ADCY3: variants seen among roughly 807,000 people sequenced by gnomAD.
The protein encoded by ADCY3 is adenylate cyclase 3, also known as adenylate cyclase type 3.
Under a neutral mutation model 119.4 loss-of-function variants are expected in ADCY3, and 70 were observed. That is an observed-to-expected ratio of 0.59 (90% CI 0.48 to 0.72). ADCY3 has a LOEUF of 0.72. Among genes scored for constraint, ADCY3 ranks in the 30% least tolerant of loss-of-function variants. ADCY3 has a pLI of 0.00. For missense variants in ADCY3, 1,238 were observed against 1,541.6 expected (o/e 0.80, Z 3.30); for synonymous variants, 672 against 621.4 (o/e 1.08, Z -1.21).
chr2:24,904,780 T>C (rs913617237), intron 2 of ADCY3, among the ~76,000 whole-genome samples: 3 of 151,762 alleles, frequency 2.0e-5, no homozygotes, highest in African/African-American at 7.3e-5. Flanking sequence ...TAGCTGGGAT[T>C]ACAGGCATGC....
chr2:24,906,516 G>A (rs6545812), intron 2 of ADCY3, among the ~76,000 whole-genome samples: 26,425 of 152,192 alleles, frequency 0.17, 3,897 homozygotes, highest in African/African-American at 0.4. Context: ...ACTGAAGGGT[G>A]AGGCTGTGTG....
At chr2:24,828,643 G>C (rs1668965844) in intron 13 of ADCY3, among the ~76,000 whole-genome samples, 1 of 152,234 alleles carries the variant, frequency 6.6e-6, no homozygotes, top group Non-Finnish European at 1.5e-5. Flanking sequence ...ATTCTTTACT[G>C]GTTCTGCTAC....
At chr2:24,858,603 C>A (rs1190953432) in intron 3 of ADCY3, among the ~76,000 whole-genome samples, 3 of 152,246 alleles carry the variant, frequency 2.0e-5, no homozygotes, top group Non-Finnish European at 4.4e-5. Context: ...AACAAAACTT[C>A]ATTCTTACAG....
At chr2:24,902,362 T>G (rs2148998689) in intron 2 of ADCY3, among the ~76,000 whole-genome samples, 1 of 152,266 alleles carries the variant, frequency 6.6e-6, no homozygotes, top group Middle Eastern at 3.4e-3. Context: ...ATTATAGACG[T>G]GAGCCACCTT....
rs151020837 is a variant in ADCY3 at position 24,885,851 on chromosome 2, G to A, written c.676-13132C>T. 8.4e-3 allele frequency among the ~76,000 whole-genome samples: 1,279 copies of A among 152,044 alleles called. 12 individuals carry two copies. Among genetic ancestry groups the A allele is most frequent in the African/African-American group, 0.028 (1,147 of 41,442 alleles). Reference sequence around the variant, plus strand: ...TACCATGAACTTGAATCTAAACCCCGCCCCCACAGCTGCCTGAGGTAAACC... The same window carrying A: ...TACCATGAACTTGAATCTAAACCCCACCCCCACAGCTGCCTGAGGTAAACC... On this transcript the variant is annotated intron_variant, in intron 2 of 21. Transcript: ENST00000679454.
At chr2:24,877,654 A>G (rs1286062412) in intron 2 of ADCY3, among the ~76,000 whole-genome samples, 1 of 152,176 alleles carries the variant, frequency 6.6e-6, no homozygotes, top group African/African-American at 2.4e-5. Context: ...CTGAAACACG[A>G]AGACGAGCTC....
Position 24,831,675 on chromosome 2 carries a change from G to T in ADCY3, c.2042C>A (p.Ala681Asp), listed in dbSNP as rs542687384. 2.0e-5 allele frequency: 32 copies of T among 1,613,976 alleles called. No individual in the cohort carries two copies. The Admixed American group carries it at 3.8e-4, about 19-fold the overall frequency. The change falls in exon 12 of 22, where the codon GCC (alanine) becomes GAC (aspartate). Residue 681 changes from alanine to aspartate, a missense_variant. Around this residue, in one of 7 missense-constraint regions of ADCY3, gnomAD observed 499 missense variants for 571.0 expected, o/e 0.87. Transcript: ENST00000679454. ...AGTGCCTCTTACCCGGGGAAAGATG[G>T]CAGCCAGGGAGCAGATGGTCAGGAT... is the stretch of plus-strand genomic sequence containing the variant. Reference protein sequence around the residue: ...LLILTICSLAAIFPRAFPKKL... With the variant: ...LLILTICSLADIFPRAFPKKL...
chr2:24,822,833 C>T (rs1172850434), intron 18 of ADCY3, among the ~76,000 whole-genome samples: 5 of 152,336 alleles, frequency 3.3e-5, no homozygotes, highest in Non-Finnish European at 7.3e-5. Flanking sequence ...ACAACCTCAA[C>T]ACTGACATAA....
intron 7 of ADCY3, chr2:24,838,893 T>G (rs1303022890): frequency 6.3e-7 from 1 of 1,588,200 alleles, no homozygotes; most frequent in African/African-American, 1.3e-5. Context: ...GAGTACAATC[T>G]TTCTTCAATC....
At position 24,839,882 on chromosome 2, in the gene ADCY3, C is replaced by A. The variant is rs1670793201; in HGVS notation, c.1346G>T (p.Gly449Val). The change falls in exon 7 of 22, where the codon GGC becomes GTC. Residue 449 changes from glycine to valine, a missense_variant. Gly to Val is a moderately radical substitution (Grantham distance 109). Around this residue, in one of 7 missense-constraint regions of ADCY3, gnomAD observed 283 missense variants for 437.2 expected, o/e 0.65. Coordinates refer to ENST00000679454, the MANE Select transcript of ADCY3 (RefSeq NM_004036.5). ...TTGGAATGGCACTCACCCAGGGATG[C>A]CGCCGGCCTCCATCTTGTTGGCTAC... ...VTVANKMEAG[G>V]IPGRVHISQS... 1 of 1,613,710 alleles carries A rather than the reference C, an allele frequency of 6.2e-7. No individual in the cohort carries two copies. The highest frequency in any genetic ancestry group is 1.7e-5 in the Admixed American group (1 of 60,006).
intron 2 of ADCY3, among the ~76,000 whole-genome samples, chr2:24,911,234 T>C (rs1323042821): frequency 6.8e-6 from 1 of 147,776 alleles, no homozygotes; most frequent in African/African-American, 2.5e-5. Flanking sequence ...TTTTTTTTTT[T>C]TTTTTTGAGA....
At chr2:24,864,992 C>T (rs1674106848) in intron 3 of ADCY3, among the ~76,000 whole-genome samples, 1 of 152,102 alleles carries the variant, frequency 6.6e-6, no homozygotes, top group Admixed American at 6.5e-5. Flanking sequence ...ATAATAAATA[C>T]CGCTACAAGG....
rs771128870 is a variant in ADCY3 at position 24,823,272 on chromosome 2, G to A, written c.2820C>T (p.Ser940=). The change falls in exon 18 of 22, where the codon AGC becomes AGT. Residue 940 remains serine, a synonymous_variant. Transcript: ENST00000679454. ...GACACTCAATACCACCATTGTTGATGCTCTCCTCTGTGTAGAAGTCAGCAA... is the reference window on the plus strand; with the variant it reads ...GACACTCAATACCACCATTGTTGATACTCTCCTCTGTGTAGAAGTCAGCAA... The part of the protein sequence containing the change: ...PNFADFYTEE[S]INNGGIECLR... The A allele has an allele frequency of 2.5e-6, 4 of 1,613,654 alleles. No homozygotes were observed. The highest frequency in any genetic ancestry group is 3.4e-6 in the Non-Finnish European group (4 of 1,179,944).
At position 24,872,708 on chromosome 2, in the gene ADCY3, G is replaced by A. The variant is rs376857817; in HGVS notation, c.687C>T (p.Asn229=). 21 of 1,613,916 alleles carry A rather than the reference G, an allele frequency of 1.3e-5. No homozygotes were observed. Among genetic ancestry groups the A allele is most frequent in the African/African-American group, 9.3e-5 (7 of 75,046 alleles). ...CGATGGCGCACAGGTAGAGGAAGAC[G>A]TTGGCCAGGATCTGCACCCCAAGGA... The part of the protein sequence containing the change: ...GMQLLREILA[N]VFLYLCAIAV... The change falls in exon 3 of 22, where the codon AAC becomes AAT. Residue 229 remains asparagine, a synonymous_variant. Transcript: ENST00000679454. This position sits in a 1 kb window ranked among gnomAD's most constrained non-coding sequence, Gnocchi z 4.4.
At chr2:24,833,903 G>A (rs1367915747) in intron 11 of ADCY3, among the ~76,000 whole-genome samples, 4 of 152,226 alleles carry the variant, frequency 2.6e-5, no homozygotes, top group Non-Finnish European at 4.4e-5. Flanking sequence ...AATCCCAGCA[G>A]GGTTCCAGAC....
rs1389636015 is a variant in ADCY3 at position 24,919,890 on chromosome 2, C to G, written c.-405G>C. 2.0e-5 allele frequency: 3 copies of G among 150,642 alleles called. No individual in the cohort carries two copies. Among genetic ancestry groups the G allele is most frequent in the Admixed American group, 6.6e-5 (1 of 15,104 alleles). 9.3% of individuals were successfully genotyped at this position (150,642 alleles called of 1,614,324 possible). ...CTGCCCCTCAGCATCCGCGGGCGCC[C>G]GGCCGCAGGGGGAAGGAGGAGGCGG... On this transcript the variant is annotated 5_prime_UTR_variant, in exon 1 of 22. Transcript: ENST00000679454. This position sits in a 1 kb window ranked among gnomAD's most constrained non-coding sequence, Gnocchi z 5.5.
chr2:24,885,229 C>T (rs958887927), intron 2 of ADCY3, among the ~76,000 whole-genome samples: 6 of 152,214 alleles, frequency 3.9e-5, no homozygotes, highest in African/African-American at 1.4e-4. Context: ...TTTGGCTGTG[C>T]CTTAGAATCA....
At chr2:24,911,637 C>A (rs1663663596) in intron 2 of ADCY3, among the ~76,000 whole-genome samples, 5 of 106,160 alleles carry the variant, frequency 4.7e-5, no homozygotes, top group Admixed American at 2.2e-4. Context: ...GAGACAGACT[C>A]AAAAAAAAAA....
In ADCY3 at chr2:24,872,214, C is replaced by T. The variant is rs992489449; in HGVS notation, c.825+356G>A. Among the ~76,000 whole-genome samples the T allele has an allele frequency of 3.3e-5, 5 of 152,134 alleles. No individual in the cohort carries two copies. Among genetic ancestry groups the T allele is most frequent in the Non-Finnish European group, 2.9e-5 (2 of 68,032 alleles). On this transcript the variant is annotated intron_variant, in intron 3 of 21. Transcript: ENST00000679454. The surrounding 1 kb of genome is among the most constrained non-coding windows in gnomAD (Gnocchi z 4.4). ...ATGCCCCTGACCCTGACCTTGGTCC[C>T]GAGAAGGTCATCTGAGAAAGGAATG...
Sources: gnomAD v4.1 joint callset for allele counts (sites outside exome capture counted in the v4.1 genomes callset) on GRCh38, gnomAD v4.1.1 for gene constraint, gnomAD v4.1.1 regional missense constraint, Gnocchi (gnomAD v3.1) non-coding constraint, MANE v1.5 for transcripts, NCBI Gene and HGNC (gene_info 2026-07-23, HGNC 2026-07-21) for gene names.